CUX1: variants seen among roughly 807,000 people sequenced by gnomAD.
CUX1 encodes cut like homeobox 1.
A neutral mutation model predicts 158.8 loss-of-function variants in CUX1; 31 were observed. The observed-to-expected ratio is 0.20, with a 90% CI of 0.15 to 0.26. The LOEUF is 0.26. Among genes scored for constraint, CUX1 ranks in the 10% least tolerant of loss-of-function variants. The pLI is 1.00. For missense variants in CUX1, 1,589 were observed against 2,014.6 expected, an observed-to-expected ratio of 0.79 and a Z score of 4.04; for synonymous variants, 879 against 862.1, an observed-to-expected ratio of 1.02 and a Z score of -0.34.
rs139199926 is a variant in CUX1 at position 102,126,177 on chromosome 7, C to CTCTGTGTGTGTGTG, written c.674+10905_674+10906insCTGTGTGTGTGTGT. The stretch of plus-strand genomic sequence containing the variant: ...TACAAGTGTGCACCACCATTTCCGG[C>CTCTGTGTGTGTGTG]TGTGTGTGTGTGTGTGTGTGTGTGT... On this transcript the variant is annotated intron_variant, in intron 8 of 23. Coordinates refer to ENST00000292535, the MANE Select transcript of CUX1 (RefSeq NM_181552.4). Among the ~76,000 whole-genome samples the CTCTGTGTGTGTGTG allele has an allele frequency of 2.2e-5, 3 of 135,542 alleles. No individual in the cohort carries two copies. The Admixed American group carries it at 2.3e-4, about 10-fold the overall frequency. 88.9% of individuals were successfully genotyped at this position (135,542 alleles called of 152,430 possible). A position where few individuals can be genotyped will look rare whatever the true frequency, so the allele number is the denominator to read the frequency against.
intron 11 of CUX1, among the ~76,000 whole-genome samples, chr7:102,184,414 G>T (rs782663307): frequency 6.6e-6 from 1 of 152,144 alleles, no homozygotes; most frequent in Non-Finnish European, 1.5e-5. Context: ...TACAACAGGC[G>T]TGTTTGATTG....
intron 21 of CUX1, among the ~76,000 whole-genome samples, chr7:102,231,327 GC>G (rs1426333737): frequency 2.0e-5 from 2 of 99,344 alleles, no homozygotes; most frequent in African/African-American, 3.4e-5. Context: ...ACTGCGCCCA[GC>G]CTTTTTTTTT....
At chr7:101,948,535 T>C (rs1255668890) in intron 2 of CUX1, among the ~76,000 whole-genome samples, 1 of 152,170 alleles carries the variant, frequency 6.6e-6, no homozygotes, top group East Asian at 1.9e-4. Flanking sequence ...CTGATTTCTT[T>C]ATAAAGATGG....
chr7:101,901,635 G>T (rs1438795796), intron 1 of CUX1, among the ~76,000 whole-genome samples: 1 of 152,158 alleles, frequency 6.6e-6, no homozygotes, highest in Non-Finnish European at 1.5e-5. Context: ...AGCAGCCAGT[G>T]GCCCACCAGG....
chr7:101,817,810 C>T lies in CUX1; in HGVS notation c.30+141C>T, dbSNP rs545246449. 3.0e-6 allele frequency: 3 copies of T among 990,540 alleles called. No individual in the cohort carries two copies. The highest frequency in any genetic ancestry group is 4.3e-6 in the Non-Finnish European group (3 of 701,500). The allele number at this position is 990,540 out of a possible 1,614,324, so 61.4% of individuals were successfully genotyped here. A position where few individuals can be genotyped will look rare whatever the true frequency, so the allele number is the denominator to read the frequency against. On this transcript the variant is annotated intron_variant, in intron 1 of 23. Transcript: ENST00000292535. The surrounding 1 kb of genome is among the most constrained non-coding windows in gnomAD (Gnocchi z 4.1). ...GAGGGGATAGGAGGGTTCCTCAGGG[C>T]CCCTGGGGAACTGCAGCTACTCCCA...
At chr7:101,855,236 G>A (rs575012575) in intron 1 of CUX1, among the ~76,000 whole-genome samples, 6 of 152,320 alleles carry the variant, frequency 3.9e-5, no homozygotes, top group South Asian at 2.1e-4. Flanking sequence ...AACCCTGGCC[G>A]CCTTTCCAAC....
chr7:102,094,261 A>G (rs1023645223), intron 4 of CUX1, among the ~76,000 whole-genome samples: 1 of 152,244 alleles, frequency 6.6e-6, no homozygotes, highest in Non-Finnish European at 1.5e-5. Flanking sequence ...TAGCCATTCA[A>G]CTGTGCTGTA....
chr7:102,208,893 A>T (rs1796220525), intron 20 of CUX1, among the ~76,000 whole-genome samples: 1 of 152,224 alleles, frequency 6.6e-6, no homozygotes, highest in South Asian at 2.1e-4. Context: ...AGAAATGCTC[A>T]GTGCTTGAGA....
At chr7:102,097,006 C>T (rs930078479) in intron 4 of CUX1, among the ~76,000 whole-genome samples, 2 of 152,230 alleles carry the variant, frequency 1.3e-5, no homozygotes, top group South Asian at 2.1e-4. Context: ...CGTGCAGCTC[C>T]GGGGATGTGA....
chr7:101,954,618 G>GAGC (rs1483809367), intron 2 of CUX1, among the ~76,000 whole-genome samples: 1 of 152,106 alleles, frequency 6.6e-6, no homozygotes, highest in Non-Finnish European at 1.5e-5. Context: ...AGACCAGCCA[G>GAGC]AGCAACATAG....
intron 8 of CUX1, chr7:102,154,494 G>A (rs541071666): frequency 8.0e-5 from 12 of 150,330 alleles, no homozygotes; most frequent in Non-Finnish European, 1.6e-4. Context: ...GGTGACATGC[G>A]CCTGTAGTCC....
intron 11 of CUX1, 119 bp from the exon 12 acceptor site, chr7:102,189,694 T>A (rs2131894958): frequency 9.3e-7 from 1 of 1,075,438 alleles, no homozygotes; most frequent in South Asian, 1.4e-5. Flanking sequence ...TTGACTCCAT[T>A]CGCAAGGGCT....
intron 2 of CUX1, among the ~76,000 whole-genome samples, chr7:101,917,674 C>A (rs531303533): frequency 6.6e-6 from 1 of 152,172 alleles, no homozygotes; most frequent in East Asian, 1.9e-4. Flanking sequence ...CCTGGAACTC[C>A]GGTTTCCTGA....
chr7:102,007,243 G>T (rs1817496483), intron 2 of CUX1, among the ~76,000 whole-genome samples: 3 of 152,178 alleles, frequency 2.0e-5, no homozygotes, highest in Non-Finnish European at 2.9e-5. Flanking sequence ...CTGTACCTAA[G>T]CCATGGCCCT....
At chr7:101,950,429 G>T (rs369752097) in intron 2 of CUX1, among the ~76,000 whole-genome samples, 1 of 151,876 alleles carries the variant, frequency 6.6e-6, no homozygotes, top group East Asian at 1.9e-4. Context: ...AAAAAAAATT[G>T]TAGTAAAATA....
intron 2 of CUX1, among the ~76,000 whole-genome samples, chr7:101,969,982 C>CAAAA (rs34167642): frequency 3.6e-5 from 2 of 55,654 alleles, no homozygotes; most frequent in Non-Finnish European, 6.2e-5. Context: ...GAGTTAGCAC[C>CAAAA]AAAAAAAAAA....
rs1169325450 is a variant in CUX1, at chr7:102,257,789, A to G, written c.*8747A>G. ...TATTTTCTGTAACGCACCAAGTCTT[A>G]GATCTTTCTAGAGCTTGTTTGTTCA... On this transcript the variant is annotated 3_prime_UTR_variant, in exon 24 of 24. Coordinates refer to ENST00000292535, the MANE Select transcript of CUX1 (RefSeq NM_181552.4). The G allele has an allele frequency of 2.0e-5, 20 of 984,650 alleles. No individual in the cohort carries two copies. Among genetic ancestry groups the G allele is most frequent in the Non-Finnish European group, 2.4e-5 (20 of 829,888 alleles). The allele number at this position is 984,650 out of a possible 1,614,324, so 61.0% of individuals were successfully genotyped here.
At chr7:102,030,118 TCTC>T (rs916432857) in intron 3 of CUX1, among the ~76,000 whole-genome samples, 9 of 152,106 alleles carry the variant, frequency 5.9e-5, no homozygotes, top group African/African-American at 2.2e-4. Context: ...TTTAAGCAAT[TCTC>T]CTGCCTCAGC....
At chr7:101,898,401 G>A (rs560384899) in intron 1 of CUX1, among the ~76,000 whole-genome samples, 4 of 152,262 alleles carry the variant, frequency 2.6e-5, no homozygotes, top group Non-Finnish European at 2.9e-5. Flanking sequence ...CAGTGGGGAC[G>A]AGGAGAAGAA....
Sources: gnomAD v4.1 joint callset for allele counts (sites outside exome capture counted in the v4.1 genomes callset) on GRCh38, gnomAD v4.1.1 for gene constraint, Gnocchi (gnomAD v3.1) non-coding constraint, MANE v1.5 for transcripts, NCBI Gene and HGNC (gene_info 2026-07-23, HGNC 2026-07-21) for gene names.